CSF1R: variants seen among roughly 807,000 people sequenced by gnomAD.
The protein encoded by CSF1R is colony stimulating factor 1 receptor.
CSF1R carries 40 observed loss-of-function variants against 110.0 expected under a neutral mutation model. That is an observed-to-expected ratio of 0.36 (90% confidence interval 0.28 to 0.47). CSF1R has a LOEUF of 0.47. CSF1R is among the 20% of genes least tolerant of loss of function. The pLI, the probability that CSF1R is intolerant of heterozygous loss-of-function variation, is 0.99. For synonymous variants in CSF1R, 523 were observed against 503.4 expected, an observed-to-expected ratio of 1.04 and a Z score of -0.52; for missense variants, 1,052 against 1,253.0, an observed-to-expected ratio of 0.84 and a Z score of 2.42.
chr5:150,059,476 G>GA (rs1436691942), intron 14 of CSF1R, among the ~76,000 whole-genome samples: 1 of 152,194 alleles, frequency 6.6e-6, no homozygotes, highest in African/African-American at 2.4e-5. Flanking sequence ...CACACTCCCA[G>GA]AACACGGTAG....
At chr5:150,066,695 C>T (rs1205529809) in intron 10 of CSF1R, among the ~76,000 whole-genome samples, 1 of 151,880 alleles carries the variant, frequency 6.6e-6, no homozygotes, top group African/African-American at 2.4e-5. Context: ...CCTTCCCACC[C>T]TGCCCACTTC....
At chr5:150,074,374 C>G (rs575189655) in intron 5 of CSF1R, among the ~76,000 whole-genome samples, 3 of 143,648 alleles carry the variant, frequency 2.1e-5, no homozygotes, top group Admixed American at 7.4e-5. Context: ...GTGGCACAGT[C>G]TCTGCTCACT....
intron 1 of CSF1R, among the ~76,000 whole-genome samples, chr5:150,083,361 C>CACACAA (rs1758644795): frequency 7.3e-6 from 1 of 137,900 alleles, no homozygotes; most frequent in Admixed American, 7.0e-5. Flanking sequence ...CACACACACA[C>CACACAA]ACACACACAC....
chr5:150,068,224 C>T lies in CSF1R; in HGVS notation c.1617G>A (p.Lys539=), dbSNP rs369435276. 13 of 1,611,246 alleles carry T rather than the reference C, an allele frequency of 8.1e-6. No individual in the cohort carries two copies. Among genetic ancestry groups the T allele is most frequent in the Non-Finnish European group, 8.5e-6 (10 of 1,179,702 alleles). ...CTCCGCTCCGGCTCACCTGCTTATA[C>T]TTGTACAATAGCAGCAGGAGCAGCA... is the stretch of plus-strand genomic sequence containing the variant. The part of the protein sequence containing the change: ...LLLLLLLLLY[K]YKQKPKYQVR... Residue 539 remains lysine, a synonymous_variant, in exon 10 of 21, where the codon AAG becomes AAA. Coordinates refer to ENST00000675795, the MANE Select transcript of CSF1R (RefSeq NM_001288705.3).
intron 1 of CSF1R, among the ~76,000 whole-genome samples, chr5:150,093,351 T>C (rs548289433): frequency 6.6e-6 from 1 of 152,264 alleles, no homozygotes; most frequent in Non-Finnish European, 1.5e-5. Flanking sequence ...AGTGCTGGGA[T>C]TACAGGTGTG....
chr5:150,079,991 G>T, intron 3 of CSF1R, 61 bp downstream of exon 3: 1 of 1,567,876 alleles, frequency 6.4e-7, no homozygotes, highest in South Asian at 1.2e-5. Flanking sequence ...CCACCCATGT[G>T]GCCGCCGGCT....
At chr5:150,066,558 A>C (rs1436035950) in intron 10 of CSF1R, among the ~76,000 whole-genome samples, 1 of 152,192 alleles carries the variant, frequency 6.6e-6, no homozygotes, top group Non-Finnish European at 1.5e-5. Context: ...TACATGGCAA[A>C]ACAGTGTCAG....
chr5:150,065,473 G>A (rs1205294378), intron 10 of CSF1R, among the ~76,000 whole-genome samples: 1 of 152,192 alleles, frequency 6.6e-6, no homozygotes, highest in Non-Finnish European at 1.5e-5. Context: ...CACTCTGGGG[G>A]ACAGAAAGGT....
intron 1 of CSF1R, among the ~76,000 whole-genome samples, chr5:150,103,591 G>A (rs1759464947): frequency 1.3e-5 from 2 of 152,234 alleles, no homozygotes; most frequent in African/African-American, 4.8e-5. Flanking sequence ...AAGCCCCTAA[G>A]TGTTGTAACA....
rs1272086736 is a variant in CSF1R at position 150,075,476 on chromosome 5, G to A, written c.889+1800C>T. Among the ~76,000 whole-genome samples, 8 of 152,216 alleles carry A rather than the reference G, an allele frequency of 5.3e-5. No individual in the cohort carries two copies. In the South Asian group the frequency reaches 6.2e-4, roughly 12 times the overall value. On this transcript the variant is annotated intron_variant, in intron 5 of 20. Transcript: ENST00000675795. ...GGCAAGCACAGTCCCGCTGCAGGAT[G>A]GAGCTCCCTTCTCCAAAATGGCCGC...
chr5:150,057,508 C>G lies in CSF1R; in HGVS notation c.2217G>C (p.Glu739Asp), dbSNP rs199915312. Residue 739 changes from glutamate (E) to aspartate (D), a missense_variant, in exon 15 of 21, where the codon GAG becomes GAC. Transcript: ENST00000675795. ...VSTSSNDSFS[E>D]QDLDKEDGRP... ...CTGGCCCTGGGACCTCCTCACCTTG[C>G]TCAGAGAAGGAGTCATTTGAAGAAG... 4 of 1,614,146 alleles carry G rather than the reference C, an allele frequency of 2.5e-6. No homozygotes were observed. The highest frequency in any genetic ancestry group is 2.7e-5 in the African/African-American group (2 of 75,062).
At chr5:150,092,283 G>A (rs1013376467) in intron 1 of CSF1R, among the ~76,000 whole-genome samples, 1 of 152,184 alleles carries the variant, frequency 6.6e-6, no homozygotes, top group Non-Finnish European at 1.5e-5. Context: ...GCAATGCATT[G>A]TATATTTATA....
At chr5:150,107,220 C>T (rs535895784) in intron 1 of CSF1R, among the ~76,000 whole-genome samples, 1 of 152,376 alleles carries the variant, frequency 6.6e-6, no homozygotes, top group Non-Finnish European at 1.5e-5. Context: ...GCTCAGAGCA[C>T]TTTCCTGCAT....
chr5:150,104,080 C>A (rs761713984), intron 1 of CSF1R, among the ~76,000 whole-genome samples: 1 of 152,152 alleles, frequency 6.6e-6, no homozygotes, highest in Non-Finnish European at 1.5e-5. Flanking sequence ...CTCATGCTCC[C>A]TCTGGCTGAG....
intron 12 of CSF1R, 132 bp downstream of exon 12, chr5:150,061,359 C>G (rs1010030937): frequency 1.0e-5 from 8 of 784,874 alleles, no homozygotes; most frequent in Non-Finnish European, 1.6e-5. Context: ...AACCCAAGTC[C>G]TCACCCCTGA....
At chr5:150,073,804 T>C (rs1758134485) in intron 5 of CSF1R, among the ~76,000 whole-genome samples, 1 of 152,150 alleles carries the variant, frequency 6.6e-6, no homozygotes, top group African/African-American at 2.4e-5. Flanking sequence ...TTTGAAAAAT[T>C]TTTGGCAGCA....
In CSF1R at chr5:150,053,913, C is replaced by G; in HGVS notation, c.*156G>C. 1 of 757,912 alleles carries G rather than the reference C, an allele frequency of 1.3e-6. No homozygotes were observed. The highest frequency in any genetic ancestry group is 1.7e-5 in the South Asian group (1 of 58,142). The allele number at this position is 757,912 out of a possible 1,614,324, so 46.9% of individuals were successfully genotyped here. A position where few individuals can be genotyped will look rare whatever the true frequency, so the allele number is the denominator to read the frequency against. ...CTCAGGAAGTGGGATCCTCTGACCTCCCCTGAATCCCTCACCTTCCCAAGT... is the reference window on the plus strand; with the variant it reads ...CTCAGGAAGTGGGATCCTCTGACCTGCCCTGAATCCCTCACCTTCCCAAGT... On this transcript the variant is annotated 3_prime_UTR_variant, in exon 21 of 21. Transcript: ENST00000675795.
intron 18 of CSF1R, among the ~76,000 whole-genome samples, chr5:150,055,652 G>C (rs1321037070): frequency 6.6e-6 from 1 of 152,226 alleles, no homozygotes; most frequent in African/African-American, 2.4e-5. Context: ...GCGTATTTAA[G>C]AACTGAGTAC....
At chr5:150,103,887 G>C (rs1759473245) in intron 1 of CSF1R, among the ~76,000 whole-genome samples, 1 of 152,170 alleles carries the variant, frequency 6.6e-6, no homozygotes, top group African/African-American at 2.4e-5. Context: ...TGATCCTATA[G>C]GCCATGGGTC....
Sources: gnomAD v4.1 joint callset for allele counts (sites outside exome capture counted in the v4.1 genomes callset) on GRCh38, gnomAD v4.1.1 for gene constraint, MANE v1.5 for transcripts, NCBI Gene and HGNC (gene_info 2026-07-23, HGNC 2026-07-21) for gene names.